GSE1: variants seen among roughly 807,000 people sequenced by gnomAD.
GSE1 encodes the protein Gse1 coiled-coil protein.
Under a neutral mutation model 112.6 loss-of-function variants are expected in GSE1, and 32 were observed. The observed-to-expected ratio is 0.28, with a 90% CI of 0.21 to 0.38. The LOEUF is 0.38. GSE1 is among the 10% of genes least tolerant of loss of function. The probability of loss-of-function intolerance (pLI) is 1.00; values close to 1 mark genes in which losing one functional copy is unlikely to be tolerated. For synonymous variants in GSE1, 1,115 were observed against 735.6 expected (o/e 1.52, Z -8.35); for missense variants, 2,348 against 1,699.2 (o/e 1.38, Z -6.71).
intron 2 of GSE1, among the ~76,000 whole-genome samples, chr16:85,395,483 G>C (rs2047944275): frequency 2.0e-5 from 3 of 152,290 alleles, no homozygotes; most frequent in South Asian, 2.1e-4. Context: ...GGGCACCTCA[G>C]AGCCTGCATG....
chr16:85,600,158 T>G (rs1882241549), intron 1 of GSE1, among the ~76,000 whole-genome samples: 1 of 152,240 alleles, frequency 6.6e-6, no homozygotes. Context: ...TTCTTTGAGC[T>G]GAGCCTGCTT....
rs2051982085 is a variant in GSE1 at position 85,656,649 on chromosome 16, G to C, written c.1296G>C (p.Leu432=). The stretch of plus-strand genomic sequence containing the variant: ...AGCGGGGCAAGCCCTCGGAGCAGCT[G>C]ACCCCAACCCGAGCAGGTACCTGGG... The part of the protein sequence containing the change: ...TEERGKPSEQ[L]TPTRAEKLKD... The change falls in exon 7 of 16, where the codon CTG becomes CTC. Residue 432 remains leucine, a synonymous_variant. Transcript: ENST00000253458. 1 of 1,524,978 alleles carries C rather than the reference G, an allele frequency of 6.6e-7. No individual in the cohort carries two copies. Among genetic ancestry groups the C allele is most frequent in the African/African-American group, 1.4e-5 (1 of 72,474 alleles). The allele number at this position is 1,524,978 out of a possible 1,614,324, so 94.5% of individuals were successfully genotyped here.
intron 2 of GSE1, among the ~76,000 whole-genome samples, chr16:85,644,875 C>T (rs568627882): frequency 2.6e-5 from 4 of 151,792 alleles, no homozygotes; most frequent in Admixed American, 2.0e-4. Flanking sequence ...TTTTAAACAA[C>T]GATCCTTTCC....
chr16:85,512,118 C>T (rs1159152481), intron 2 of GSE1, among the ~76,000 whole-genome samples: 1 of 152,144 alleles, frequency 6.6e-6, no homozygotes, highest in Admixed American at 6.5e-5. Flanking sequence ...GTAAGGAGCA[C>T]TGTTCTGCGA....
chr16:85,661,666 G>T lies in GSE1; in HGVS notation c.2161G>T (p.Asp721Tyr). The T allele has an allele frequency of 1.2e-6, 2 of 1,610,860 alleles. No homozygotes were observed. The highest frequency in any genetic ancestry group is 1.7e-6 in the Non-Finnish European group (2 of 1,179,300). Residue 721 changes from aspartate (D) to tyrosine (Y), a missense_variant, in exon 9 of 16, where the codon GAC becomes TAC. Physicochemically the swap from Asp to Tyr is radical, Grantham distance 160. Coordinates refer to ENST00000253458, the MANE Select transcript of GSE1 (RefSeq NM_014615.5). ...CCGGCCCCCAGTGCCACGGGCCCCC[G>T]ACCCTGCCTACATCTATGATGAGTT... Reference protein sequence around the residue: ...PYRPPVPRAPDPAYIYDEFLQ... With the variant: ...PYRPPVPRAPYPAYIYDEFLQ...
At position 85,661,182 on chromosome 16, in the gene GSE1, C is replaced by T; in HGVS notation, c.1677C>T (p.Asp559=). 2 of 1,599,016 alleles carry T rather than the reference C, an allele frequency of 1.3e-6. No homozygotes were observed. The highest frequency in any genetic ancestry group is 1.3e-5 in the African/African-American group (1 of 74,764). Reference sequence around the variant, plus strand: ...ACCGTCACGAGCCAGGTGGCCGTGACCCTCCGCAGCACTTTGGGGGGCCAC... The same window carrying T: ...ACCGTCACGAGCCAGGTGGCCGTGATCCTCCGCAGCACTTTGGGGGGCCAC... The part of the protein sequence containing the change: ...GPNRHEPGGR[D]PPQHFGGPPP... Residue 559 remains aspartate (D), a synonymous_variant, in exon 9 of 16, where the codon GAC becomes GAT. Transcript: ENST00000253458.
intron 11 of GSE1, among the ~76,000 whole-genome samples, chr16:85,664,208 G>A (rs1373545601): frequency 2.6e-5 from 4 of 152,270 alleles, no homozygotes; most frequent in African/African-American, 9.6e-5. Context: ...TTGGCCTGCA[G>A]CGCAGGCTGG....
chr16:85,373,413 G>C lies in GSE1; in HGVS notation c.2464+15770G>C, dbSNP rs1432024470. ...CAGACAAAAAATGGAAAGAAAGCAA[G>C]GGAGGGAAGAGCAGAGGAGGGGAGG... On this transcript the variant is annotated intron_variant, in intron 2 of 2. Transcript: ENST00000637419. This position sits in a 1 kb window ranked among gnomAD's most constrained non-coding sequence, Gnocchi z 5.1. 6.6e-6 allele frequency among the ~76,000 whole-genome samples: 1 copy of C among 152,168 alleles called. No homozygotes were observed. Among genetic ancestry groups the C allele is most frequent in the Admixed American group, 6.5e-5 (1 of 15,286 alleles).
At chr16:85,639,424 G>C (rs2050260683) in intron 2 of GSE1, among the ~76,000 whole-genome samples, 1 of 152,186 alleles carries the variant, frequency 6.6e-6, no homozygotes, top group South Asian at 2.1e-4. Flanking sequence ...CCAAGACTGG[G>C]GGGATGGGTC....
chr16:85,375,023 G>A (rs1376022954), intron 2 of GSE1, among the ~76,000 whole-genome samples: 1 of 152,192 alleles, frequency 6.6e-6, no homozygotes. Context: ...TCCTGGCGCA[G>A]CCACTCGCTG....
chr16:85,345,679 C>A (rs1444866638), intron 1 of GSE1, among the ~76,000 whole-genome samples: 1 of 152,188 alleles, frequency 6.6e-6, no homozygotes, highest in Non-Finnish European at 1.5e-5. Flanking sequence ...ATGGCACTTC[C>A]TACTGATGGA....
At chr16:85,194,137 C>T (rs2074882140) in intron 1 of GSE1, among the ~76,000 whole-genome samples, 1 of 152,134 alleles carries the variant, frequency 6.6e-6, no homozygotes, top group African/African-American at 2.4e-5. Context: ...GACTCCACGC[C>T]CCTGAATCCG....
chr16:85,665,077 G>T lies in GSE1; in HGVS notation c.2707G>T (p.Ala903Ser). 1 of 1,612,834 alleles carries T rather than the reference G, an allele frequency of 6.2e-7. No individual in the cohort carries two copies. The highest frequency in any genetic ancestry group is 1.3e-5 in the African/African-American group (1 of 75,014). The change falls in exon 12 of 16, where the codon GCC becomes TCC. Residue 903 changes from alanine (A) to serine (S), a missense_variant. Ala to Ser is a moderately conservative substitution (Grantham distance 99). Transcript: ENST00000253458. ...MKQKALSAAV[A>S]DSLTNSPRDS... ...GCAGAAGGCACTGTCAGCAGCAGTG[G>T]CCGACTCCTTGACAAACTCTCCGAG...
intron 1 of GSE1, among the ~76,000 whole-genome samples, chr16:85,347,891 AT>A (rs1567703934): frequency 1.3e-5 from 2 of 152,056 alleles, no homozygotes; most frequent in Non-Finnish European, 2.9e-5. Flanking sequence ...CTGAACCCAG[AT>A]TTTTCAGCCC....
intron 1 of GSE1, among the ~76,000 whole-genome samples, chr16:85,272,241 T>G (rs1265638635): frequency 1.3e-5 from 2 of 152,234 alleles, no homozygotes; most frequent in African/African-American, 4.8e-5. Flanking sequence ...TAGGGGCCCC[T>G]GTCTTTGGCC....
chr16:85,523,087 CTG>C (rs1407289620), intron 2 of GSE1, among the ~76,000 whole-genome samples: 10 of 150,868 alleles, frequency 6.6e-5, no homozygotes, highest in South Asian at 4.2e-4. Flanking sequence ...TGTGTGTGGC[CTG>C]TGTGTGTTGT....
At chr16:85,540,233 C>T (rs79994984) in intron 2 of GSE1, among the ~76,000 whole-genome samples, 1,891 of 152,338 alleles carry the variant, frequency 0.012, 45 homozygotes, top group African/African-American at 0.043. Context: ...AGGACGTACA[C>T]GTCTGGTAGG....
At chr16:85,344,876 G>A (rs569974226) in intron 1 of GSE1, among the ~76,000 whole-genome samples, 6 of 152,358 alleles carry the variant, frequency 3.9e-5, no homozygotes, top group East Asian at 3.9e-4. Flanking sequence ...GCTTCAGAAC[G>A]AGCTGTCTGC....
intron 1 of GSE1, among the ~76,000 whole-genome samples, chr16:85,335,826 C>G (rs201656942): frequency 6.7e-6 from 1 of 148,656 alleles, no homozygotes; most frequent in African/African-American, 2.5e-5. Flanking sequence ...TCCAAGCAGC[C>G]GGGCGCGCTG....
Sources: gnomAD v4.1 joint callset for allele counts (sites outside exome capture counted in the v4.1 genomes callset) on GRCh38, gnomAD v4.1.1 for gene constraint, Gnocchi (gnomAD v3.1) non-coding constraint, MANE v1.5 for transcripts, NCBI Gene and HGNC (gene_info 2026-07-23, HGNC 2026-07-21) for gene names.